Variants in CTTNBP2NL observed in about 807,000 individuals in gnomAD.
CTTNBP2NL encodes the protein CTTNBP2 N-terminal like, also known as CTTNBP2 N-terminal-like protein.
Under a neutral mutation model 32.5 loss-of-function variants are expected in CTTNBP2NL, and 16 were observed. That is an observed-to-expected ratio of 0.49 (90% CI 0.33 to 0.75). The LOEUF is 0.75. Among genes scored for constraint, CTTNBP2NL ranks in the 30% least tolerant of loss-of-function variants. The probability of loss-of-function intolerance (pLI) is 0.02; values close to 1 mark genes in which losing one functional copy is unlikely to be tolerated. For synonymous variants in CTTNBP2NL, 298 were observed against 289.4 expected (o/e 1.03, Z -0.30); for missense variants, 645 against 756.0 (o/e 0.85, Z 1.72).
intron 1 of CTTNBP2NL, among the ~76,000 whole-genome samples, chr1:112,410,825 A>G (rs1406955705): frequency 6.6e-6 from 1 of 152,164 alleles, no homozygotes; most frequent in Non-Finnish European, 1.5e-5. Context: ...CTCTAAGGTA[A>G]TTCGGGTCTT....
intron 1 of CTTNBP2NL, among the ~76,000 whole-genome samples, chr1:112,409,730 T>C (rs1777610): frequency 0.047 from 7,084 of 152,256 alleles, 518 homozygotes; most frequent in African/African-American, 0.16. Context: ...TGTTATCTTA[T>C]AGAATTAAGT....
chr1:112,393,459 G>T (rs1395647660), upstream of CTTNBP2NL, among the ~76,000 whole-genome samples: 5 of 152,154 alleles, frequency 3.3e-5, no homozygotes, highest in African/African-American at 9.7e-5. Flanking sequence ...TTGATAAAAT[G>T]ATAGACATTA....
At chr1:112,441,006 C>T (rs1192442287) in intron 3 of CTTNBP2NL, among the ~76,000 whole-genome samples, 1 of 152,072 alleles carries the variant, frequency 6.6e-6, no homozygotes, top group Non-Finnish European at 1.5e-5. Context: ...AACTTGTTTC[C>T]TTATAACTTT....
chr1:112,400,966 C>CAAAAAAAAAAAA (rs56784970), intron 1 of CTTNBP2NL, among the ~76,000 whole-genome samples: 1 of 102,874 alleles, frequency 9.7e-6, no homozygotes. Flanking sequence ...ACTCTGTCAC[C>CAAAAAAAAAAAA]AAAAAAAAAA....
chr1:112,418,912 C>T (rs1433311926), intron 3 of CTTNBP2NL, among the ~76,000 whole-genome samples: 2 of 152,176 alleles, frequency 1.3e-5, no homozygotes, highest in African/African-American at 2.4e-5. Context: ...GGGTATATTA[C>T]ATCTGCACAT....
At chr1:112,443,493 TG>T (rs1649953379) in intron 3 of CTTNBP2NL, among the ~76,000 whole-genome samples, 12 of 152,070 alleles carry the variant, frequency 7.9e-5, no homozygotes, top group Admixed American at 7.9e-4. Context: ...GGATTACAGG[TG>T]TGAGTCACCA....
intron 3 of CTTNBP2NL, among the ~76,000 whole-genome samples, chr1:112,416,674 G>T (rs1275431965): frequency 6.6e-6 from 1 of 151,964 alleles, no homozygotes; most frequent in Non-Finnish European, 1.5e-5. Flanking sequence ...TGTATTTTTA[G>T]TAGAGACAGG....
In CTTNBP2NL at chr1:112,454,440, T is replaced by G. The variant is rs565537476; in HGVS notation, c.331-9T>G. On this transcript the variant is annotated splice_polypyrimidine_tract_variant and intron_variant, in intron 4 of 5. Coordinates refer to ENST00000271277, the MANE Select transcript of CTTNBP2NL (RefSeq NM_018704.3). ...TATTTGAAAATGAAATTTAAAAAATTCTTTAAAGGTGATCCTAGACCTTGA... is the reference window on the plus strand; with the variant it reads ...TATTTGAAAATGAAATTTAAAAAATGCTTTAAAGGTGATCCTAGACCTTGA... 38 of 1,602,102 alleles carry G rather than the reference T, an allele frequency of 2.4e-5. No individual in the cohort carries two copies. The highest frequency in any genetic ancestry group is 3.1e-5 in the Non-Finnish European group (36 of 1,172,782).
chr1:112,416,527 G>A (rs1477899645), intron 3 of CTTNBP2NL, among the ~76,000 whole-genome samples: 1 of 148,558 alleles, frequency 6.7e-6, no homozygotes, highest in Non-Finnish European at 1.5e-5. Context: ...GAGACGGAGT[G>A]TCACTCTGTC....
At chr1:112,448,736 C>T (rs1263895978) in intron 3 of CTTNBP2NL, among the ~76,000 whole-genome samples, 1 of 152,186 alleles carries the variant, frequency 6.6e-6, no homozygotes, top group Non-Finnish European at 1.5e-5. Context: ...ATGTCTAATA[C>T]ATAGTGCTTT....
chr1:112,438,710 G>A (rs572809429), intron 3 of CTTNBP2NL, among the ~76,000 whole-genome samples: 31 of 152,246 alleles, frequency 2.0e-4, no homozygotes, highest in Admixed American at 5.9e-4. Flanking sequence ...GTATACTTCT[G>A]TTATGAACAG....
chr1:112,404,158 A>G (rs1648587641), intron 1 of CTTNBP2NL, among the ~76,000 whole-genome samples: 2 of 152,218 alleles, frequency 1.3e-5, no homozygotes, highest in Non-Finnish European at 2.9e-5. Flanking sequence ...TCAGATTCCA[A>G]AATCCATGTG....
chr1:112,415,264 G>T (rs1392094241), intron 2 of CTTNBP2NL, among the ~76,000 whole-genome samples: 1 of 152,066 alleles, frequency 6.6e-6, no homozygotes, highest in African/African-American at 2.4e-5. Context: ...GCATATAGTT[G>T]AATTAAGTCT....
rs869134559 is a variant in CTTNBP2NL, at chr1:112,407,840, C to CTTTTTTTTTTTTTTT, written c.-133-4346_-133-4332dup. 1.8e-3 allele frequency among the ~76,000 whole-genome samples: 171 copies of CTTTTTTTTTTTTTTT among 96,030 alleles called. 3 individuals are homozygous for CTTTTTTTTTTTTTTT. Among genetic ancestry groups the CTTTTTTTTTTTTTTT allele is most frequent in the Non-Finnish European group, 2.1e-3 (107 of 50,822 alleles). 63.0% of individuals were successfully genotyped at this position (96,030 alleles called of 152,430 possible). On this transcript the variant is annotated intron_variant, in intron 1 of 5. Coordinates refer to ENST00000271277, the MANE Select transcript of CTTNBP2NL (RefSeq NM_018704.3). ...ACAAAAACGGCTTTCTTTTTTCTTT[C>CTTTTTTTTTTTTTTT]TTTTTTTTTTTTTTTTTTTTTTGAG...
chr1:112,391,731 T>A (rs1369874813), upstream of CTTNBP2NL, among the ~76,000 whole-genome samples: 1 of 152,200 alleles, frequency 6.6e-6, no homozygotes, highest in Non-Finnish European at 1.5e-5. Context: ...CGGTGGCTCC[T>A]GTAATCCCAA....
chr1:112,405,254 A>T (rs180946756), intron 1 of CTTNBP2NL, among the ~76,000 whole-genome samples: 118 of 152,308 alleles, frequency 7.7e-4, no homozygotes, highest in African/African-American at 2.8e-3. Context: ...CTTGTCTCAG[A>T]TGAGAATACC....
At chr1:112,393,275 AT>A (rs750198187), upstream of CTTNBP2NL, among the ~76,000 whole-genome samples, 157 of 152,276 alleles carry the variant, frequency 1.0e-3, no homozygotes, top group Non-Finnish European at 1.8e-3. Context: ...TAGACTCCAG[AT>A]TTTTTAACCT....
chr1:112,420,851 C>T (rs1276196631), intron 3 of CTTNBP2NL, among the ~76,000 whole-genome samples: 1 of 152,196 alleles, frequency 6.6e-6, no homozygotes. Context: ...AGGCACTCTT[C>T]AAAACCATCA....
chr1:112,445,130 G>A (rs960166361), intron 3 of CTTNBP2NL, among the ~76,000 whole-genome samples: 13 of 152,150 alleles, frequency 8.5e-5, no homozygotes, highest in African/African-American at 3.1e-4. Context: ...GCATGGAAGT[G>A]GGTCCATCAG....
Sources: allele counts gnomAD v4.1 joint callset (sites outside exome capture counted in the v4.1 genomes callset), GRCh38; gene constraint gnomAD v4.1.1; transcripts MANE v1.5; gene names NCBI Gene and HGNC (gene_info 2026-07-23, HGNC 2026-07-21).